RIOK3: variants seen among roughly 807,000 people sequenced by gnomAD.
The protein encoded by RIOK3 is RIO kinase 3.
A neutral mutation model predicts 63.5 loss-of-function variants in RIOK3; 40 were observed. That is an observed-to-expected ratio of 0.63 (90% CI 0.49 to 0.82). The LOEUF is 0.82. RIOK3 is among the 40% of genes least tolerant of loss of function. The probability of loss-of-function intolerance (pLI) is 0.00; values close to 1 mark genes in which losing one functional copy is unlikely to be tolerated. For missense variants in RIOK3, 557 were observed against 637.0 expected (o/e 0.87, Z 1.35); for synonymous variants, 193 against 205.0 (o/e 0.94, Z 0.50).
In RIOK3 at chr18:23,453,512, A is replaced by C. The variant is rs368637057; in HGVS notation, c.63+10A>C. On this transcript the variant is annotated intron_variant, in intron 1 of 12. Coordinates refer to ENST00000339486, the MANE Select transcript of RIOK3 (RefSeq NM_003831.5). ...CTGGGGACCCAGCAAGGTAAGTGGC[A>C]GACGAGACTGGAGTACTAGCCTTGG... The C allele has an allele frequency of 2.2e-5, 35 of 1,607,394 alleles. No homozygotes were observed. Among genetic ancestry groups the C allele is most frequent in the Non-Finnish European group, 2.5e-5 (29 of 1,174,210 alleles).
intron 6 of RIOK3, 99 bp from the exon 7 acceptor site, chr18:23,467,300 G>A: frequency 9.2e-7 from 1 of 1,088,128 alleles, no homozygotes. Flanking sequence ...GGTGACAAGA[G>A]CAAGACTCCG....
chr18:23,467,774 T>TATA (rs1380742408), intron 7 of RIOK3, among the ~76,000 whole-genome samples: 1 of 151,828 alleles, frequency 6.6e-6, no homozygotes, highest in Non-Finnish European at 1.5e-5. Flanking sequence ...ATATTATTAT[T>TATA]ATTATTATTA....
chr18:23,475,218 T>A, intron 9 of RIOK3, 111 bp downstream of exon 9: 1 of 821,210 alleles, frequency 1.2e-6, no homozygotes, highest in Non-Finnish European at 1.9e-6. Flanking sequence ...ACTTGTAATC[T>A]AGAACTTTGG....
chr18:23,455,334 C>T (rs1053279477), intron 1 of RIOK3, among the ~76,000 whole-genome samples: 5 of 150,908 alleles, frequency 3.3e-5, no homozygotes, highest in Non-Finnish European at 4.4e-5. Context: ...CGGCCTCCCA[C>T]ACTGCTGGGA....
chr18:23,466,359 A>G (rs1357063571), intron 6 of RIOK3, 83 bp downstream of exon 6: 7 of 1,119,026 alleles, frequency 6.3e-6, no homozygotes, highest in Non-Finnish European at 8.6e-6. Context: ...AAAAAACTTC[A>G]TGTTTGATAT....
At chr18:23,479,066 A>C in intron 11 of RIOK3, 1 of 345,494 alleles carries the variant, frequency 2.9e-6, no homozygotes, top group East Asian at 5.1e-5. Context: ...TTGGCCTCCC[A>C]AAGTGTTGGG....
rs1232111999 is a variant in RIOK3, at chr18:23,453,414, G to A, written c.-26G>A. The A allele has an allele frequency of 6.2e-7, 1 of 1,603,362 alleles. No individual in the cohort carries two copies. The highest frequency in any genetic ancestry group is 2.2e-5 in the East Asian group (1 of 44,832). ...GCCCGTCCTGCCACCTCTCTGCTCT[G>A]TTCTTGTCTCTGCCTTCATTCCCGA... On this transcript the variant is annotated 5_prime_UTR_variant, in exon 1 of 13. Coordinates refer to ENST00000339486, the MANE Select transcript of RIOK3 (RefSeq NM_003831.5).
rs1302363908 is a variant in RIOK3 at position 23,482,564 on chromosome 18, G to A, written c.*1285G>A. The A allele has an allele frequency of 6.6e-6, 1 of 151,386 alleles. No homozygotes were observed. Among genetic ancestry groups the A allele is most frequent in the Non-Finnish European group, 1.5e-5 (1 of 67,976 alleles). 9.4% of individuals were successfully genotyped at this position (151,386 alleles called of 1,614,324 possible). On this transcript the variant is annotated 3_prime_UTR_variant, in exon 13 of 13. Transcript: ENST00000339486. ...ATACCAAATTAATCAACTAATTTGA[G>A]CTATCTGGCCTTACTCTTAGTAGTT...
chr18:23,468,720 C>T (rs553567945), intron 7 of RIOK3, among the ~76,000 whole-genome samples: 64 of 152,206 alleles, frequency 4.2e-4, no homozygotes, highest in Non-Finnish European at 7.5e-4. Context: ...CAGTTTTCTA[C>T]AGCTAAAAGT....
Position 23,481,593 on chromosome 18 carries a change from G to C in RIOK3, c.*314G>C, listed in dbSNP as rs2057535294. On this transcript the variant is annotated 3_prime_UTR_variant, in exon 13 of 13. Transcript: ENST00000339486. Reference sequence around the variant, plus strand: ...TCTTGATGATAATTTTTAAAACTTGGGTAACACTTCCAAATATGGGAGGAA... The same window carrying C: ...TCTTGATGATAATTTTTAAAACTTGCGTAACACTTCCAAATATGGGAGGAA... 1 of 217,412 alleles carries C rather than the reference G, an allele frequency of 4.6e-6. No individual in the cohort carries two copies. The highest frequency in any genetic ancestry group is 9.8e-5 in the East Asian group (1 of 10,238). 13.5% of individuals were successfully genotyped at this position (217,412 alleles called of 1,614,324 possible).
intron 1 of RIOK3, among the ~76,000 whole-genome samples, chr18:23,454,210 C>CAG (rs2057323507): frequency 6.6e-6 from 1 of 152,174 alleles, no homozygotes; most frequent in African/African-American, 2.4e-5. Flanking sequence ...TGCTTGAGAG[C>CAG]AGAGTGCTTC....
rs542375643 is a variant in RIOK3, at chr18:23,458,121, T to C, written c.63+4619T>C. Among the ~76,000 whole-genome samples the C allele has an allele frequency of 2.0e-5, 3 of 150,720 alleles. No homozygotes were observed. In the East Asian group the frequency reaches 5.9e-4, roughly 30 times the overall value. On this transcript the variant is annotated intron_variant, in intron 1 of 12. Transcript: ENST00000339486. ...GGTTTCACTGTGTTGCCCAGGCTGG[T>C]GTCGAACTCCTGAGCTCAAGCAATC... is the stretch of plus-strand genomic sequence containing the variant.
chr18:23,477,051 C>A lies in RIOK3; in HGVS notation c.1219C>A (p.Leu407Ile), dbSNP rs143494181. 1 of 1,613,868 alleles carries A rather than the reference C, an allele frequency of 6.2e-7. No homozygotes were observed. The highest frequency in any genetic ancestry group is 8.5e-7 in the Non-Finnish European group (1 of 1,179,956). The change falls in exon 10 of 13, where the codon CTC (leucine) becomes ATC (isoleucine). Residue 407 changes from leucine to isoleucine, a missense_variant. By Grantham distance (5) the Leu-to-Ile change is conservative. Around this residue, in one of 3 missense-constraint regions of RIOK3, gnomAD observed 309 missense variants for 338.7 expected, o/e 0.91. Transcript: ENST00000339486. ...YHECTLVHAD[L>I]SEYNMLWHAG... ...TGAATGTACGCTTGTCCATGCTGAC[C>A]TCAGTGAGTATAACATGCTGTGGCA...
chr18:23,467,324 A>G, intron 6 of RIOK3, 75 bp from the exon 7 acceptor site: 2 of 1,449,984 alleles, frequency 1.4e-6, no homozygotes, highest in Non-Finnish European at 9.4e-7. Flanking sequence ...CAAAAAAAAA[A>G]AGTTATTAGA....
At position 23,482,913 on chromosome 18, in the gene RIOK3, A is replaced by C. The variant is rs1185658421; in HGVS notation, c.*1634A>C. 6.6e-6 allele frequency: 1 copy of C among 152,224 alleles called. No homozygotes were observed. The highest frequency in any genetic ancestry group is 1.5e-5 in the Non-Finnish European group (1 of 68,034). The allele number at this position is 152,224 out of a possible 1,614,324, so 9.4% of individuals were successfully genotyped here. A position where few individuals can be genotyped will look rare whatever the true frequency, so the allele number is the denominator to read the frequency against. The stretch of plus-strand genomic sequence containing the variant: ...GTAATTTTGGGTAGATGCTCATTAC[A>C]TTTTTGAAAGGTTTATGATTCCAAA... On this transcript the variant is annotated 3_prime_UTR_variant, in exon 13 of 13. Transcript: ENST00000339486.
In RIOK3 at chr18:23,460,346, T is replaced by G. The variant is rs370764455; in HGVS notation, c.64-2618T>G. Reference sequence around the variant, plus strand: ...ATTGCAGTCAGTAGGGCAGTTTGCTTCACACATTTCGGGGTGAGATGATAG... The same window carrying G: ...ATTGCAGTCAGTAGGGCAGTTTGCTGCACACATTTCGGGGTGAGATGATAG... On this transcript the variant is annotated intron_variant, in intron 1 of 12. Transcript: ENST00000339486. 5.3e-5 allele frequency among the ~76,000 whole-genome samples: 8 copies of G among 152,338 alleles called. No individual in the cohort carries two copies. The East Asian group carries it at 1.5e-3, about 29-fold the overall frequency.
chr18:23,475,250 C>CT (rs1454374558), intron 9 of RIOK3, 143 bp downstream of exon 9: 7 of 619,048 alleles, frequency 1.1e-5, no homozygotes, highest in Non-Finnish European at 2.0e-5. Flanking sequence ...AGTAGGATCA[C>CT]TTGAGCCCAG....
rs926599121 is a variant in RIOK3 at position 23,473,441 on chromosome 18, A to C, written c.828A>C (p.Glu276Asp). Residue 276 changes from glutamate (E) to aspartate (D), a missense_variant, in exon 8 of 13, where the codon GAA becomes GAC. Physicochemically the swap from Glu to Asp is conservative, Grantham distance 45. Coordinates refer to ENST00000339486, the MANE Select transcript of RIOK3 (RefSeq NM_003831.5). ...FHAYGGSMEDEKEDSKVIPTE... is the reference protein window; with the variant it reads ...FHAYGGSMEDDKEDSKVIPTE... ...TTCTTCCACTTAGCATGGAGGATGA[A>C]AAGGAAGATAGTAAAGTTATACCTA... 2 of 1,607,050 alleles carry C rather than the reference A, an allele frequency of 1.2e-6. No individual in the cohort carries two copies. The highest frequency in any genetic ancestry group is 1.7e-6 in the Non-Finnish European group (2 of 1,176,590).
At chr18:23,457,922 TCTCA>T (rs946768098) in intron 1 of RIOK3, among the ~76,000 whole-genome samples, 1 of 151,352 alleles carries the variant, frequency 6.6e-6, no homozygotes, top group Non-Finnish European at 1.5e-5. Context: ...GGAGACAGAG[TCTCA>T]CTCTATCGCC....
Sources: gnomAD v4.1 joint callset for allele counts (sites outside exome capture counted in the v4.1 genomes callset) on GRCh38, gnomAD v4.1.1 for gene constraint, gnomAD v4.1.1 regional missense constraint, MANE v1.5 for transcripts, NCBI Gene and HGNC (gene_info 2026-07-23, HGNC 2026-07-21) for gene names.